The following GALNT9 variants were observed in gnomAD, a reference collection of about 807,000 sequenced individuals.
GALNT9 encodes GalNAc transferase 9.
Under a neutral mutation model 63.1 loss-of-function variants are expected in GALNT9, and 47 were observed. That is an observed-to-expected ratio of 0.75 (90% CI 0.59 to 0.95). The LOEUF is 0.95. Ranked by LOEUF, GALNT9 falls within the 40% of genes least tolerant of loss-of-function variation. The pLI is 0.00. For missense variants in GALNT9, 829 were observed against 874.8 expected, an observed-to-expected ratio of 0.95 and a Z score of 0.66; for synonymous variants, 396 against 365.7, an observed-to-expected ratio of 1.08 and a Z score of -0.94.
intron 7 of GALNT9, among the ~76,000 whole-genome samples, chr12:132,202,459 G>T (rs1876227342): frequency 6.6e-6 from 1 of 152,246 alleles, no homozygotes; most frequent in Admixed American, 6.5e-5. Context: ...GCCACTTCAG[G>T]CCGTGTCACC....
intron 2 of GALNT9, among the ~76,000 whole-genome samples, chr12:132,266,514 T>C (rs1202142895): frequency 2.6e-5 from 4 of 152,188 alleles, no homozygotes; most frequent in African/African-American, 9.6e-5. Context: ...CAGGAGGCCA[T>C]GTGGAGGTGG....
Position 132,291,918 on chromosome 12 carries a change from G to A in GALNT9, c.239-5488C>T, listed in dbSNP as rs145424638. Reference sequence around the variant, plus strand: ...CCAATCCTGCTGCACTTGCGGTTCCGGCTCCTCACGGCAGCTGTGGCCCCC... The same window carrying A: ...CCAATCCTGCTGCACTTGCGGTTCCAGCTCCTCACGGCAGCTGTGGCCCCC... On this transcript the variant is annotated intron_variant, in intron 1 of 10. Transcript: ENST00000328957. 5.1e-3 allele frequency among the ~76,000 whole-genome samples: 772 copies of A among 152,310 alleles called. 6 individuals are homozygous for A. Among genetic ancestry groups the A allele is most frequent in the Admixed American group, 8.0e-3 (123 of 15,306 alleles).
At chr12:132,240,653 T>G (rs1555236889) in intron 6 of GALNT9, 1 of 454,874 alleles carries the variant, frequency 2.2e-6, no homozygotes, top group South Asian at 1.6e-5. Flanking sequence ...CTGCTCCTCT[T>G]CACTCTCTGC....
rs1390945729 is a variant in GALNT9 at position 132,286,802 on chromosome 12, C to T, written c.239-372G>A. On this transcript the variant is annotated intron_variant, in intron 1 of 10. Coordinates refer to ENST00000328957, the MANE Select transcript of GALNT9 (RefSeq NM_001122636.2). The surrounding 1 kb of genome is among the most constrained non-coding windows in gnomAD (Gnocchi z 7.4). ...GATCTCAGCTCACTGCAGCCTGGAC[C>T]TCCCAGGCTCAAGCAATCCTCCCAC... 6.6e-6 allele frequency among the ~76,000 whole-genome samples: 1 copy of T among 152,148 alleles called. No homozygotes were observed. Among genetic ancestry groups the T allele is most frequent in the Non-Finnish European group, 1.5e-5 (1 of 68,026 alleles).
intron 6 of GALNT9, among the ~76,000 whole-genome samples, chr12:132,209,367 AAAAT>A (rs552671564): frequency 6.8e-4 from 97 of 143,180 alleles, no homozygotes; most frequent in Admixed American, 3.2e-3. Context: ...TTTACTAAAA[AAAAT>A]AAATAAATAA....
chr12:132,327,534 T>C lies in GALNT9; in HGVS notation c.238+1432A>G, dbSNP rs1869089649. ...CCCCATAAAACAGACCATAACACCA[T>C]GGCGAGCACACTTCAATAGAGCCAT... On this transcript the variant is annotated intron_variant, in intron 1 of 10. Transcript: ENST00000328957. The surrounding 1 kb of genome is among the most constrained non-coding windows in gnomAD (Gnocchi z 4.3). Among the ~76,000 whole-genome samples, 1 of 152,134 alleles carries C rather than the reference T, an allele frequency of 6.6e-6. No individual in the cohort carries two copies. The highest frequency in any genetic ancestry group is 1.5e-5 in the Non-Finnish European group (1 of 68,008).
chr12:132,245,367 G>A lies in GALNT9; in HGVS notation c.1077+2543C>T, dbSNP rs936789262. ...TGAAGCAGGAGAATCAGTTGAACCC[G>A]GGAGGTGGAGGTTGCAGTGAGCAGA... On this transcript the variant is annotated intron_variant, in intron 6 of 10. Coordinates refer to ENST00000328957, the MANE Select transcript of GALNT9 (RefSeq NM_001122636.2). This position sits in a 1 kb window ranked among gnomAD's most constrained non-coding sequence, Gnocchi z 6.3. 1.8e-4 allele frequency among the ~76,000 whole-genome samples: 27 copies of A among 152,116 alleles called. No homozygotes were observed. Among genetic ancestry groups the A allele is most frequent in the Admixed American group, 7.9e-4 (12 of 15,282 alleles).
intron 6 of GALNT9, among the ~76,000 whole-genome samples, chr12:132,239,735 G>A (rs1193843514): frequency 6.6e-6 from 1 of 152,054 alleles, no homozygotes; most frequent in Admixed American, 6.5e-5. Context: ...CAAAAAGACT[G>A]GGAGAGACAG....
At chr12:132,281,795 G>A (rs955328022) in intron 2 of GALNT9, among the ~76,000 whole-genome samples, 1 of 152,216 alleles carries the variant, frequency 6.6e-6, no homozygotes, top group African/African-American at 2.4e-5. Flanking sequence ...CCAGGCCTGG[G>A]GGTCCCCGAT....
At chr12:132,226,528 CAT>C (rs1360167980) in intron 6 of GALNT9, among the ~76,000 whole-genome samples, 1 of 149,246 alleles carries the variant, frequency 6.7e-6, no homozygotes, top group African/African-American at 2.5e-5. Flanking sequence ...ACCCCACACA[CAT>C]ACACAACACA....
intron 1 of GALNT9, among the ~76,000 whole-genome samples, chr12:132,303,427 G>GCCCGGGCACAGCCTCA (rs1881396605): frequency 1.1e-5 from 1 of 90,786 alleles, no homozygotes; most frequent in African/African-American, 4.6e-5. Flanking sequence ...GCACAGCCTC[G>GCCCGGGCACAGCCTCA]CCCGGGCACA....
At position 132,288,830 on chromosome 12, in the gene GALNT9, C is replaced by T. The variant is rs183673914; in HGVS notation, c.239-2400G>A. Among the ~76,000 whole-genome samples the T allele has an allele frequency of 1.6e-3, 226 of 144,162 alleles. 1 individual carries two copies. Among genetic ancestry groups the T allele is most frequent in the African/African-American group, 5.4e-3 (201 of 37,426 alleles). 94.6% of individuals were successfully genotyped at this position (144,162 alleles called of 152,430 possible). Reference sequence around the variant, plus strand: ...GCAGGAGGGTGGCTGAGCGTGGTTTCGGACGGCTGCCCGATGCCCGGCGTT... The same window carrying T: ...GCAGGAGGGTGGCTGAGCGTGGTTTTGGACGGCTGCCCGATGCCCGGCGTT... On this transcript the variant is annotated intron_variant, in intron 1 of 10. Transcript: ENST00000328957.
rs372768025 is a variant in GALNT9 at position 132,282,404 on chromosome 12, C to CGTGTGTGCGT, written c.419+3836_419+3845dup. Among the ~76,000 whole-genome samples, 33 of 149,574 alleles carry CGTGTGTGCGT rather than the reference C, an allele frequency of 2.2e-4. No individual in the cohort carries two copies. Among genetic ancestry groups the CGTGTGTGCGT allele is most frequent in the Non-Finnish European group, 4.3e-4 (29 of 67,966 alleles). On this transcript the variant is annotated intron_variant, in intron 2 of 10. Coordinates refer to ENST00000328957, the MANE Select transcript of GALNT9 (RefSeq NM_001122636.2). The surrounding 1 kb of genome is among the most constrained non-coding windows in gnomAD (Gnocchi z 4.5). ...AAAAAACTAAAAATACGTGTGTGCGCGTGTGTGCGTGTGTGTGCGTGTGTG... is the reference window on the plus strand; with the variant it reads ...AAAAAACTAAAAATACGTGTGTGCGCGTGTGTGCGTGTGTGTGCGTGTGTGTGCGTGTGTG...
chr12:132,205,652 G>A (rs1277409803), intron 6 of GALNT9: 4 of 152,316 alleles, frequency 2.6e-5, no homozygotes, highest in Non-Finnish European at 5.9e-5. Context: ...AGCGAACCGC[G>A]TTTCTGCATC....
At chr12:132,295,324 G>A (rs1325947709) in intron 1 of GALNT9, among the ~76,000 whole-genome samples, 1 of 152,262 alleles carries the variant, frequency 6.6e-6, no homozygotes, top group Non-Finnish European at 1.5e-5. Context: ...GAGAGGCCCA[G>A]TGCCGGGCGC....
chr12:132,201,180 G>T lies in GALNT9; in HGVS notation c.1345C>A (p.Leu449Met). The T allele has an allele frequency of 6.2e-7, 1 of 1,613,054 alleles. No homozygotes were observed. Among genetic ancestry groups the T allele is most frequent in the Non-Finnish European group, 8.5e-7 (1 of 1,179,310 alleles). ...CTCATCTCCGGGTACACGTTCTCCA[G>T]GTACCACTTGAAGCTGCGACACTTC... The part of the protein sequence containing the change: ...RLKCRSFKWY[L>M]ENVYPEMRVY... The change falls in exon 8 of 11, where the codon CTG becomes ATG. Residue 449 changes from leucine (L) to methionine (M), a missense_variant. By Grantham distance (15) the Leu-to-Met change is conservative. Coordinates refer to ENST00000328957, the MANE Select transcript of GALNT9 (RefSeq NM_001122636.2).
At chr12:132,202,564 G>A (rs1876240130) in intron 7 of GALNT9, among the ~76,000 whole-genome samples, 1 of 152,194 alleles carries the variant, frequency 6.6e-6, no homozygotes, top group Admixed American at 6.5e-5. Flanking sequence ...AATGAGAAGG[G>A]TCACTTTGGT....
chr12:132,227,257 G>A (rs997703792), intron 6 of GALNT9, among the ~76,000 whole-genome samples: 6 of 152,158 alleles, frequency 3.9e-5, no homozygotes, highest in Non-Finnish European at 5.9e-5. Flanking sequence ...TCCCCAGCTC[G>A]TCAGCAGAAC....
At chr12:132,230,466 T>C (rs1877848591) in intron 6 of GALNT9, among the ~76,000 whole-genome samples, 1 of 152,140 alleles carries the variant, frequency 6.6e-6, no homozygotes, top group East Asian at 1.9e-4. Flanking sequence ...TCGACGGGCA[T>C]AGAAAAAGCC....
Sources: gnomAD v4.1 joint callset for allele counts (sites outside exome capture counted in the v4.1 genomes callset) on GRCh38, gnomAD v4.1.1 for gene constraint, Gnocchi (gnomAD v3.1) non-coding constraint, MANE v1.5 for transcripts, NCBI Gene and HGNC (gene_info 2026-07-23, HGNC 2026-07-21) for gene names.